The following ST8SIA1 variants were observed in gnomAD, a reference collection of about 807,000 sequenced individuals.
ST8SIA1 encodes the protein ST8 alpha-N-acetyl-neuraminide alpha-2,8-sialyltransferase 1.
Under a neutral mutation model 35.9 loss-of-function variants are expected in ST8SIA1, and 16 were observed. The ratio of observed to expected loss-of-function variants is 0.45; its 90% confidence interval spans 0.30 to 0.68. The LOEUF is 0.68. ST8SIA1 is among the 30% of genes least tolerant of loss of function. The pLI, the probability that ST8SIA1 is intolerant of heterozygous loss-of-function variation, is 0.09. For missense variants in ST8SIA1, 383 were observed against 453.6 expected (o/e 0.84, Z 1.41); for synonymous variants, 170 against 169.6 (o/e 1.00, Z -0.02).
chr12:22,201,471 C>T lies in ST8SIA1; in HGVS notation c.*81G>A. 6.7e-7 allele frequency: 1 copy of T among 1,503,338 alleles called. No homozygotes were observed. The highest frequency in any genetic ancestry group is 8.9e-7 in the Non-Finnish European group (1 of 1,126,778). 93.1% of individuals were successfully genotyped at this position (1,503,338 alleles called of 1,614,324 possible). A position where few individuals can be genotyped will look rare whatever the true frequency, so the allele number is the denominator to read the frequency against. On this transcript the variant is annotated 3_prime_UTR_variant, in exon 5 of 5. Coordinates refer to ENST00000396037, the MANE Select transcript of ST8SIA1 (RefSeq NM_003034.4). ...CAAGGGCCCATGCAAACTCATGAAA[C>T]AACTTGACCATTCCCTCTTGGAGTC...
At chr12:22,249,442 G>A (rs908845325) in intron 3 of ST8SIA1, among the ~76,000 whole-genome samples, 29 of 152,092 alleles carry the variant, frequency 1.9e-4, no homozygotes, top group African/African-American at 5.3e-4. Flanking sequence ...GGACGGTCTC[G>A]ATCTCCTGAC....
intron 1 of ST8SIA1, among the ~76,000 whole-genome samples, chr12:22,331,458 T>C (rs1866763370): frequency 6.6e-6 from 1 of 152,226 alleles, no homozygotes; most frequent in Non-Finnish European, 1.5e-5. Flanking sequence ...CCATGATTTG[T>C]GAATAAATGC....
intron 1 of ST8SIA1, among the ~76,000 whole-genome samples, chr12:22,314,236 C>T (rs1866487356): frequency 6.6e-6 from 1 of 152,158 alleles, no homozygotes; most frequent in African/African-American, 2.4e-5. Context: ...TAGTACTACC[C>T]TTCACGGTAT....
At chr12:22,208,912 T>C (rs1015792038) in intron 4 of ST8SIA1, among the ~76,000 whole-genome samples, 1 of 152,174 alleles carries the variant, frequency 6.6e-6, no homozygotes, top group Non-Finnish European at 1.5e-5. Flanking sequence ...CTGGGTCTAC[T>C]GGCTAGCCAG....
intron 1 of ST8SIA1, among the ~76,000 whole-genome samples, chr12:22,307,214 C>A (rs1866396204): frequency 6.6e-6 from 1 of 152,216 alleles, no homozygotes; most frequent in South Asian, 2.1e-4. Flanking sequence ...ACTGAAAGAT[C>A]TTTATGCTTG....
At chr12:22,256,394 G>A (rs1490615805) in intron 2 of ST8SIA1, among the ~76,000 whole-genome samples, 1 of 152,172 alleles carries the variant, frequency 6.6e-6, no homozygotes, top group Non-Finnish European at 1.5e-5. Context: ...ACTTCTAGCT[G>A]GGTCAGCAAG....
chr12:22,280,343 A>G (rs1319766685), intron 2 of ST8SIA1, among the ~76,000 whole-genome samples: 1 of 152,170 alleles, frequency 6.6e-6, no homozygotes, highest in Non-Finnish European at 1.5e-5. Flanking sequence ...TCCTGCAGGG[A>G]AACACCCTGT....
At chr12:22,273,746 CTCAT>C (rs58148930) in intron 2 of ST8SIA1, among the ~76,000 whole-genome samples, 5 of 152,028 alleles carry the variant, frequency 3.3e-5, no homozygotes, top group African/African-American at 4.8e-5. Context: ...AGCAGCTGAA[CTCAT>C]TCATTCATTC....
Position 22,286,143 on chromosome 12 carries a change from T to C in ST8SIA1, c.381+1006A>G, listed in dbSNP as rs536800315. Among the ~76,000 whole-genome samples, 33 of 152,330 alleles carry C rather than the reference T, an allele frequency of 2.2e-4. No individual in the cohort carries two copies. In the South Asian group the frequency reaches 6.4e-3, roughly 30 times the overall value. The stretch of plus-strand genomic sequence containing the variant: ...ATGAAGAGAGAAAACATGTAGATGC[T>C]GGCAATAAACTAAAGCTTCTACTTC... On this transcript the variant is annotated intron_variant, in intron 2 of 4. Coordinates refer to ENST00000396037, the MANE Select transcript of ST8SIA1 (RefSeq NM_003034.4).
At position 22,193,618 on chromosome 12, in the gene ST8SIA1, A is replaced by C. The variant is rs1331717130; in HGVS notation, c.*7934T>G. ...AACAGAGATAGATACTAATTTTTCT[A>C]ATCACACCGTAGAAAGTACCAATTA... On this transcript the variant is annotated 3_prime_UTR_variant, in exon 5 of 5. Transcript: ENST00000396037. 6.6e-6 allele frequency: 1 copy of C among 152,218 alleles called. No individual in the cohort carries two copies. The highest frequency in any genetic ancestry group is 1.5e-5 in the Non-Finnish European group (1 of 68,020). 9.4% of individuals were successfully genotyped at this position (152,218 alleles called of 1,614,324 possible). A position where few individuals can be genotyped will look rare whatever the true frequency, so the allele number is the denominator to read the frequency against.
chr12:22,300,835 T>A (rs913835679), intron 1 of ST8SIA1, among the ~76,000 whole-genome samples: 1 of 152,186 alleles, frequency 6.6e-6, no homozygotes, highest in Admixed American at 6.6e-5. Flanking sequence ...ACTTAATTAA[T>A]CCTTTAAGAT....
intron 4 of ST8SIA1, among the ~76,000 whole-genome samples, chr12:22,221,021 C>T (rs1374248215): frequency 6.6e-6 from 1 of 152,182 alleles, no homozygotes; most frequent in Non-Finnish European, 1.5e-5. Flanking sequence ...ATATCACATG[C>T]AGGCTATGGA....
At chr12:22,219,282 G>A (rs1476406548) in intron 4 of ST8SIA1, among the ~76,000 whole-genome samples, 1 of 152,074 alleles carries the variant, frequency 6.6e-6, no homozygotes, top group Non-Finnish European at 1.5e-5. Flanking sequence ...TAGTTACATA[G>A]ACAGGATATC....
At chr12:22,232,950 G>A (rs1865435870) in intron 4 of ST8SIA1, among the ~76,000 whole-genome samples, 5 of 152,186 alleles carry the variant, frequency 3.3e-5, no homozygotes, top group Admixed American at 2.0e-4. Context: ...TGTGTCACAT[G>A]TTCCCGGTGG....
At chr12:22,274,622 G>A (rs572051193) in intron 2 of ST8SIA1, among the ~76,000 whole-genome samples, 1 of 152,314 alleles carries the variant, frequency 6.6e-6, no homozygotes, top group Admixed American at 6.5e-5. Context: ...GTACGATCTT[G>A]TTATTTCAAG....
chr12:22,328,705 G>A (rs1270097256), intron 1 of ST8SIA1, among the ~76,000 whole-genome samples: 3 of 152,176 alleles, frequency 2.0e-5, no homozygotes, highest in Admixed American at 2.0e-4. Flanking sequence ...AGCACAGCCT[G>A]GGAAGGGAAG....
At chr12:22,251,508 C>T (rs1865669178) in intron 3 of ST8SIA1, among the ~76,000 whole-genome samples, 1 of 152,104 alleles carries the variant, frequency 6.6e-6, no homozygotes, top group Non-Finnish European at 1.5e-5. Context: ...TCTGGGTAAA[C>T]TTTTTCTCTA....
intron 1 of ST8SIA1, among the ~76,000 whole-genome samples, chr12:22,313,449 C>T (rs376506478): frequency 3.3e-5 from 5 of 152,108 alleles, no homozygotes; most frequent in African/African-American, 1.2e-4. Flanking sequence ...GTTATCTCCA[C>T]ACAGAAACCA....
At chr12:22,235,342 T>TA (rs774355084) in intron 4 of ST8SIA1, among the ~76,000 whole-genome samples, 89 of 152,222 alleles carry the variant, frequency 5.8e-4, no homozygotes, top group Non-Finnish European at 9.6e-4. Flanking sequence ...ATATTCTATT[T>TA]AATCTACAGG....
Sources: gnomAD v4.1 joint callset for allele counts (sites outside exome capture counted in the v4.1 genomes callset) on GRCh38, gnomAD v4.1.1 for gene constraint, MANE v1.5 for transcripts, NCBI Gene and HGNC (gene_info 2026-07-23, HGNC 2026-07-21) for gene names.